MARK2: variants seen among roughly 807,000 people sequenced by gnomAD.
MARK2 encodes the protein serine/threonine-protein kinase MARK2.
In MARK2, 16 loss-of-function variants were observed where a neutral mutation model predicts 89.8. The ratio of observed to expected loss-of-function variants is 0.18; its 90% confidence interval spans 0.12 to 0.27. The LOEUF (loss-of-function observed/expected upper bound fraction) is 0.27, where lower values mean the gene tolerates loss of function less well. Ranked by LOEUF, MARK2 falls within the 10% of genes least tolerant of loss-of-function variation. The pLI is 1.00. For missense variants in MARK2, 621 were observed against 1,049.9 expected (o/e 0.59, Z 5.65); for synonymous variants, 382 against 399.5 (o/e 0.96, Z 0.52).
intron 1 of MARK2, among the ~76,000 whole-genome samples, chr11:63,884,757 C>T (rs1939294393): frequency 6.6e-6 from 1 of 152,222 alleles, no homozygotes; most frequent in South Asian, 2.1e-4. Flanking sequence ...GAATGCTCCT[C>T]TGGTTTATTG....
rs115793793 is a variant in MARK2 at position 63,847,651 on chromosome 11, C to T, written c.54+8091C>T. ...TGTCAACAACCCCCTTCTCCCCAAACACTGAATGGGTCTCTGAGCTGGTCC... is the reference window on the plus strand; with the variant it reads ...TGTCAACAACCCCCTTCTCCCCAAATACTGAATGGGTCTCTGAGCTGGTCC... On this transcript the variant is annotated intron_variant, in intron 1 of 18. Coordinates refer to ENST00000402010, the MANE Select transcript of MARK2 (RefSeq NM_001039469.3). Among the ~76,000 whole-genome samples, 4 of 152,238 alleles carry T rather than the reference C, an allele frequency of 2.6e-5. No homozygotes were observed. The East Asian group carries it at 7.7e-4, about 29-fold the overall frequency.
intron 7 of MARK2, 55 bp from the exon 8 acceptor site, chr11:63,899,819 C>T (rs1486810960): frequency 8.5e-7 from 1 of 1,180,382 alleles, no homozygotes; most frequent in East Asian, 2.3e-5. Flanking sequence ...CCTTCCTGCC[C>T]AGGGCCTTAG....
chr11:63,882,102 G>T (rs1939123393), intron 1 of MARK2, among the ~76,000 whole-genome samples: 1 of 152,168 alleles, frequency 6.6e-6, no homozygotes, highest in Non-Finnish European at 1.5e-5. Context: ...ATCACAGGAA[G>T]GCGCATAGGA....
intron 1 of MARK2, among the ~76,000 whole-genome samples, chr11:63,892,726 ATTT>A (rs11412283): frequency 8.2e-6 from 1 of 122,128 alleles, no homozygotes; most frequent in Non-Finnish European, 1.6e-5. Flanking sequence ...CAGACTCTGC[ATTT>A]TTTTTTTTTT....
At chr11:63,860,547 C>CAA (rs758490977) in intron 1 of MARK2, among the ~76,000 whole-genome samples, 14 of 113,822 alleles carry the variant, frequency 1.2e-4, no homozygotes, top group Non-Finnish European at 2.0e-4. Flanking sequence ...GACTCCCTCT[C>CAA]AAAAAAAAAA....
chr11:63,902,185 C>T lies in MARK2; in HGVS notation c.1102-13C>T, dbSNP rs1940951127. The T allele has an allele frequency of 6.2e-7, 1 of 1,613,760 alleles. No homozygotes were observed. The highest frequency in any genetic ancestry group is 8.5e-7 in the Non-Finnish European group (1 of 1,179,758). On this transcript the variant is annotated splice_polypyrimidine_tract_variant and intron_variant, in intron 11 of 18. Coordinates refer to ENST00000402010, the MANE Select transcript of MARK2 (RefSeq NM_001039469.3). The surrounding 1 kb of genome is among the most constrained non-coding windows in gnomAD (Gnocchi z 4.2). The stretch of plus-strand genomic sequence containing the variant: ...TTCTGCCCTCCCTTGAAGCTGTTTT[C>T]TGTTTCTTTCAGCTGGAAGGCGACA...
chr11:63,839,485 C>T lies in MARK2; in HGVS notation c.-22C>T, dbSNP rs1487662470. On this transcript the variant is annotated 5_prime_UTR_variant, in exon 1 of 19. Coordinates refer to ENST00000402010, the MANE Select transcript of MARK2 (RefSeq NM_001039469.3). ...TCCCTTCCTCCAAGCTTCTCGGTTC[C>T]CTCCCCCGAGATACCGGCGCCATGT... 44 of 1,487,916 alleles carry T rather than the reference C, an allele frequency of 3.0e-5. No individual in the cohort carries two copies. Among genetic ancestry groups the T allele is most frequent in the East Asian group, 5.2e-5 (2 of 38,780 alleles). 92.2% of individuals were successfully genotyped at this position (1,487,916 alleles called of 1,614,324 possible). A position where few individuals can be genotyped will look rare whatever the true frequency, so the allele number is the denominator to read the frequency against.
intron 1 of MARK2, among the ~76,000 whole-genome samples, chr11:63,894,471 C>T (rs954926802): frequency 8.5e-5 from 13 of 152,222 alleles, no homozygotes; most frequent in African/African-American, 2.4e-4. Flanking sequence ...CCAAGGCGGG[C>T]GGATCACCTG....
intron 1 of MARK2, among the ~76,000 whole-genome samples, chr11:63,864,235 T>C (rs1565107068): frequency 6.6e-6 from 1 of 151,938 alleles, no homozygotes; most frequent in Non-Finnish European, 1.5e-5. Flanking sequence ...ATTACAGGCG[T>C]GAGCCGCCAC....
chr11:63,869,855 C>A (rs991865034), intron 1 of MARK2, among the ~76,000 whole-genome samples: 1 of 152,158 alleles, frequency 6.6e-6, no homozygotes, highest in Non-Finnish European at 1.5e-5. Context: ...CTGCTGTGGT[C>A]TTGAAGAGGG....
At chr11:63,874,883 C>G (rs574307926) in intron 1 of MARK2, among the ~76,000 whole-genome samples, 1 of 152,004 alleles carries the variant, frequency 6.6e-6, no homozygotes, top group African/African-American at 2.4e-5. Flanking sequence ...TGTGTGAGGC[C>G]TTAGGACTGG....
Position 63,902,471 on chromosome 11 carries a change from C to T in MARK2, c.1235-130C>T, listed in dbSNP as rs1248663962. The T allele has an allele frequency of 7.3e-7, 1 of 1,378,186 alleles. No homozygotes were observed. The highest frequency in any genetic ancestry group is 1.3e-5 in the South Asian group (1 of 77,698). The allele number at this position is 1,378,186 out of a possible 1,614,324, so 85.4% of individuals were successfully genotyped here. On this transcript the variant is annotated intron_variant, in intron 12 of 18. Transcript: ENST00000402010. The surrounding 1 kb of genome is among the most constrained non-coding windows in gnomAD (Gnocchi z 4.2). Reference sequence around the variant, plus strand: ...TAGTGTGGCTATGGGCAAGCCACTTCCCTTCCCTCGCCTCTGTGGAATGGG... The same window carrying T: ...TAGTGTGGCTATGGGCAAGCCACTTTCCTTCCCTCGCCTCTGTGGAATGGG...
intron 1 of MARK2, among the ~76,000 whole-genome samples, chr11:63,877,411 C>T (rs1007055210): frequency 6.6e-6 from 1 of 152,120 alleles, no homozygotes; most frequent in Non-Finnish European, 1.5e-5. Flanking sequence ...GCACCCAGCC[C>T]AGACTCTTTT....
intron 1 of MARK2, among the ~76,000 whole-genome samples, chr11:63,864,442 C>T (rs569001240): frequency 7.0e-4 from 106 of 151,186 alleles, no homozygotes; most frequent in African/African-American, 2.5e-3. Context: ...TTAGTAGATA[C>T]GGGGTTTCTC....
At chr11:63,866,658 T>C (rs963325619) in intron 1 of MARK2, among the ~76,000 whole-genome samples, 1 of 152,254 alleles carries the variant, frequency 6.6e-6, no homozygotes, top group Non-Finnish European at 1.5e-5. Context: ...CTATCTACTG[T>C]ACAGGAAAGA....
intron 1 of MARK2, among the ~76,000 whole-genome samples, chr11:63,873,714 C>T (rs1375454397): frequency 6.6e-6 from 1 of 152,126 alleles, no homozygotes; most frequent in Non-Finnish European, 1.5e-5. Context: ...GGCGCGATCT[C>T]GGCTCGCTGC....
Position 63,908,248 on chromosome 11 carries a change from C to G in MARK2, c.1962-12C>G. On this transcript the variant is annotated splice_polypyrimidine_tract_variant and intron_variant, in intron 17 of 18. Coordinates refer to ENST00000402010, the MANE Select transcript of MARK2 (RefSeq NM_001039469.3). ...TCCCAGCACTAAACTCTCCCTCGCT[C>G]TGTTTTTTGAGGAACCTGAATGAAC... The G allele has an allele frequency of 1.3e-6, 2 of 1,557,718 alleles. No homozygotes were observed. Among genetic ancestry groups the G allele is most frequent in the South Asian group, 1.2e-5 (1 of 84,602 alleles).
At chr11:63,886,373 C>T (rs1342262707) in intron 1 of MARK2, among the ~76,000 whole-genome samples, 1 of 151,880 alleles carries the variant, frequency 6.6e-6, no homozygotes, top group Admixed American at 6.6e-5. Flanking sequence ...GTCTTCCCAC[C>T]TTGGCCTCCC....
At position 63,902,061 on chromosome 11, in the gene MARK2, G is replaced by T. The variant is rs1370215107; in HGVS notation, c.1102-137G>T. ...GGGTCTCCTCCAGGGGGGATGTATTGGTCTTACAAGTGGATGTCCGGTATG... is the reference window on the plus strand; with the variant it reads ...GGGTCTCCTCCAGGGGGGATGTATTTGTCTTACAAGTGGATGTCCGGTATG... On this transcript the variant is annotated intron_variant, in intron 11 of 18. Transcript: ENST00000402010. The surrounding 1 kb of genome is among the most constrained non-coding windows in gnomAD (Gnocchi z 4.2). The T allele has an allele frequency of 3.6e-6, 3 of 830,452 alleles. No homozygotes were observed. Among genetic ancestry groups the T allele is most frequent in the African/African-American group, 3.4e-5 (2 of 58,330 alleles). The allele number at this position is 830,452 out of a possible 1,614,324, so 51.4% of individuals were successfully genotyped here.
Sources: allele counts gnomAD v4.1 joint callset (sites outside exome capture counted in the v4.1 genomes callset), GRCh38; gene constraint gnomAD v4.1.1; non-coding constraint Gnocchi (gnomAD v3.1); transcripts MANE v1.5; gene names NCBI Gene and HGNC (gene_info 2026-07-23, HGNC 2026-07-21).